Variants in CDH13 observed in about 807,000 individuals in gnomAD.
CDH13 encodes the protein cadherin 13, also known as cadherin-13.
Under a neutral mutation model 63.8 loss-of-function variants are expected in CDH13, and 24 were observed. The observed-to-expected ratio is 0.38, with a 90% CI of 0.27 to 0.53. The LOEUF is 0.53. Among genes scored for constraint, CDH13 ranks in the 20% least tolerant of loss-of-function variants. The pLI, the probability that CDH13 is intolerant of heterozygous loss-of-function variation, is 0.85. For missense variants in CDH13, 1,049 were observed against 903.1 expected (o/e 1.16, Z -2.07); for synonymous variants, 503 against 355.3 (o/e 1.42, Z -4.67).
chr16:83,014,776 G>GTATA (rs1158483617), intron 2 of CDH13, among the ~76,000 whole-genome samples: 5 of 37,302 alleles, frequency 1.3e-4, no homozygotes, highest in Admixed American at 4.8e-4. Context: ...ATATATATAT[G>GTATA]TATATATATA....
chr16:82,959,284 A>T (rs887707286), intron 2 of CDH13, among the ~76,000 whole-genome samples: 3 of 152,230 alleles, frequency 2.0e-5, no homozygotes, highest in Non-Finnish European at 4.4e-5. Context: ...CAATATAATT[A>T]AAGGACATTC....
intron 2 of CDH13, among the ~76,000 whole-genome samples, chr16:82,929,588 C>T (rs1394292831): frequency 7.3e-6 from 1 of 136,386 alleles, no homozygotes; most frequent in Admixed American, 8.4e-5. Flanking sequence ...GGAGGCGGAG[C>T]TTGCAGTGAG....
At chr16:83,362,907 G>A (rs1452445141) in intron 6 of CDH13, among the ~76,000 whole-genome samples, 1 of 152,188 alleles carries the variant, frequency 6.6e-6, no homozygotes, top group Non-Finnish European at 1.5e-5. Flanking sequence ...ACTGTGGTGG[G>A]GTTTCAGCTG....
At chr16:82,816,527 G>T (rs1173338399) in intron 1 of CDH13, among the ~76,000 whole-genome samples, 1 of 152,052 alleles carries the variant, frequency 6.6e-6, no homozygotes, top group Non-Finnish European at 1.5e-5. Context: ...CCTCACTGAG[G>T]CATCAACATT....
intron 4 of CDH13, among the ~76,000 whole-genome samples, chr16:83,132,761 A>G (rs569593363): frequency 1.4e-4 from 22 of 152,134 alleles, no homozygotes; most frequent in Non-Finnish European, 2.8e-4. Context: ...GTTTTATTCA[A>G]TAACTGAAAC....
intron 6 of CDH13, among the ~76,000 whole-genome samples, chr16:83,428,241 T>G (rs979859147): frequency 2.0e-5 from 3 of 152,166 alleles, no homozygotes; most frequent in African/African-American, 7.2e-5. Context: ...AGGGATTCAA[T>G]GACTGAGAAA....
chr16:83,448,380 T>C (rs181980009), intron 6 of CDH13, among the ~76,000 whole-genome samples: 1 of 152,092 alleles, frequency 6.6e-6, no homozygotes. Flanking sequence ...AGAAACAAGA[T>C]CAAAGGAAGA....
intron 6 of CDH13, among the ~76,000 whole-genome samples, chr16:83,403,173 A>G (rs746971829): frequency 6.6e-6 from 1 of 152,138 alleles, no homozygotes; most frequent in Non-Finnish European, 1.5e-5. Flanking sequence ...AAGCTAAGGT[A>G]CACTATATGA....
In CDH13 at chr16:83,796,993, A is replaced by T. The variant is rs1305837884; in HGVS notation, c.*1963A>T. ...CTTGAACTTGATAGGGTCATTCTCC[A>T]CGAGCACATGCCCCCGACTCAGGGA... is the stretch of plus-strand genomic sequence containing the variant. On this transcript the variant is annotated 3_prime_UTR_variant, in exon 14 of 14. Transcript: ENST00000567109. The T allele has an allele frequency of 1.3e-5, 2 of 152,240 alleles. No individual in the cohort carries two copies. The highest frequency in any genetic ancestry group is 2.9e-5 in the Non-Finnish European group (2 of 68,060). The allele number at this position is 152,240 out of a possible 1,614,324, so 9.4% of individuals were successfully genotyped here. A position where few individuals can be genotyped will look rare whatever the true frequency, so the allele number is the denominator to read the frequency against.
intron 2 of CDH13, among the ~76,000 whole-genome samples, chr16:82,933,611 C>G (rs1044658920): frequency 2.0e-5 from 3 of 152,168 alleles, no homozygotes; most frequent in African/African-American, 7.2e-5. Flanking sequence ...ACCCAAAAGT[C>G]CAAGTCCATA....
intron 6 of CDH13, among the ~76,000 whole-genome samples, chr16:83,456,945 G>C (rs184907539): frequency 6.6e-6 from 1 of 152,280 alleles, no homozygotes; most frequent in East Asian, 1.9e-4. Context: ...CTGGGTGACA[G>C]AGTAAGACTC....
chr16:83,767,300 T>C (rs192711294), intron 11 of CDH13, among the ~76,000 whole-genome samples: 64 of 151,914 alleles, frequency 4.2e-4, no homozygotes, highest in African/African-American at 1.5e-3. Context: ...TGGGGCCATC[T>C]AGAGTAATGG....
At chr16:82,666,645 A>G (rs1912620649) in intron 1 of CDH13, among the ~76,000 whole-genome samples, 1 of 152,212 alleles carries the variant, frequency 6.6e-6, no homozygotes. Flanking sequence ...TAGGTTAACC[A>G]TACAACAACC....
chr16:82,714,982 T>C (rs914018890), intron 1 of CDH13, among the ~76,000 whole-genome samples: 4 of 133,972 alleles, frequency 3.0e-5, no homozygotes, highest in African/African-American at 8.1e-5. Flanking sequence ...CAGTGTGTGA[T>C]ACTTTGTTCC....
intron 2 of CDH13, among the ~76,000 whole-genome samples, chr16:82,976,970 T>G (rs2151379538): frequency 6.6e-6 from 1 of 152,310 alleles, no homozygotes; most frequent in Middle Eastern, 3.4e-3. Flanking sequence ...CAGTCTGGCT[T>G]TGTCCTGTCT....
At chr16:83,498,789 C>A (rs2074205664) in intron 7 of CDH13, among the ~76,000 whole-genome samples, 1 of 152,124 alleles carries the variant, frequency 6.6e-6, no homozygotes, top group Non-Finnish European at 1.5e-5. Flanking sequence ...AAGCAAAATA[C>A]AGTGAAGTTT....
At chr16:83,242,177 AT>A (rs1277858814) in intron 5 of CDH13, among the ~76,000 whole-genome samples, 1 of 152,126 alleles carries the variant, frequency 6.6e-6, no homozygotes, top group African/African-American at 2.4e-5. Context: ...ATTCTGTTTC[AT>A]TGAGCTAGAT....
rs139750076 is a variant in CDH13 at position 83,546,578 on chromosome 16, C to T, written c.961-55876C>T. On this transcript the variant is annotated intron_variant, in intron 7 of 13. Coordinates refer to ENST00000567109, the MANE Select transcript of CDH13 (RefSeq NM_001257.5). ...AACATCTTGGGATTGGCGCCATGAT[C>T]GATGAGGTCTGGGTATAACCAACGT... Among the ~76,000 whole-genome samples the T allele has an allele frequency of 1.2e-3, 190 of 152,086 alleles. 1 individual carries two copies. The East Asian group carries it at 0.015, about 12-fold the overall frequency.
chr16:83,259,298 A>G (rs1906674659), intron 5 of CDH13, among the ~76,000 whole-genome samples: 1 of 152,188 alleles, frequency 6.6e-6, no homozygotes, highest in African/African-American at 2.4e-5. Context: ...GCTTCTCAGC[A>G]TGAAATGGGA....
Sources: allele counts gnomAD v4.1 joint callset (sites outside exome capture counted in the v4.1 genomes callset), GRCh38; gene constraint gnomAD v4.1.1; transcripts MANE v1.5; gene names NCBI Gene and HGNC (gene_info 2026-07-23, HGNC 2026-07-21).